Variants in CORO2A observed in about 807,000 individuals in gnomAD.
CORO2A encodes coronin-2A.
In CORO2A, 47 loss-of-function variants were observed where a neutral mutation model predicts 62.4. The ratio of observed to expected loss-of-function variants is 0.75; its 90% CI spans 0.60 to 0.96. The LOEUF (loss-of-function observed/expected upper bound fraction) is 0.96, where lower values mean the gene tolerates loss of function less well. Ranked by LOEUF, CORO2A falls within the 40% of genes least tolerant of loss-of-function variation. The pLI, the probability that CORO2A is intolerant of heterozygous loss-of-function variation, is 0.00. For synonymous variants in CORO2A, 273 were observed against 268.9 expected (o/e 1.02, Z -0.15); for missense variants, 610 against 684.1 (o/e 0.89, Z 1.21).
intron 2 of CORO2A, among the ~76,000 whole-genome samples, chr9:98,155,562 G>T (rs993900414): frequency 3.9e-5 from 6 of 151,928 alleles, no homozygotes; most frequent in African/African-American, 1.5e-4. Flanking sequence ...GGTTAGGCTG[G>T]TCTCGAACTC....
At chr9:98,152,503 C>T (rs1185594008) in intron 2 of CORO2A, among the ~76,000 whole-genome samples, 3 of 151,842 alleles carry the variant, frequency 2.0e-5, no homozygotes, top group Admixed American at 1.3e-4. Flanking sequence ...TTGCTGGTCT[C>T]GAACTCCTGG....
intron 1 of CORO2A, among the ~76,000 whole-genome samples, chr9:98,178,615 C>T (rs1332444621): frequency 6.6e-6 from 1 of 152,134 alleles, no homozygotes; most frequent in Non-Finnish European, 1.5e-5. Context: ...GAGTGTTTCC[C>T]CTTCTCTCTG....
rs904954529 is a variant in CORO2A, at chr9:98,145,510, G to A, written c.202-7822C>T. 2.0e-5 allele frequency among the ~76,000 whole-genome samples: 3 copies of A among 152,188 alleles called. No individual in the cohort carries two copies. In the East Asian group the frequency reaches 5.8e-4, roughly 29 times the overall value. ...GACTAGCCCATACCCTGCCTTTCTA[G>A]AAGGGCAATTTGTATGGAGGGAACA... On this transcript the variant is annotated intron_variant, in intron 2 of 11. Coordinates refer to ENST00000375077, the MANE Select transcript of CORO2A (RefSeq NM_052820.4).
At chr9:98,186,782 GTGTT>G (rs939824898) in intron 1 of CORO2A, among the ~76,000 whole-genome samples, 15 of 152,222 alleles carry the variant, frequency 9.9e-5, no homozygotes, top group African/African-American at 3.6e-4. Flanking sequence ...GTGCTAATAA[GTGTT>G]TGTTAAATAT....
intron 2 of CORO2A, among the ~76,000 whole-genome samples, chr9:98,138,924 G>A (rs1330589889): frequency 2.0e-5 from 3 of 151,884 alleles, no homozygotes; most frequent in South Asian, 2.1e-4. Flanking sequence ...GTGCACGCCT[G>A]TAGTCCCAGC....
intron 2 of CORO2A, among the ~76,000 whole-genome samples, chr9:98,140,387 A>C (rs1031570353): frequency 6.6e-6 from 1 of 151,420 alleles, no homozygotes; most frequent in Non-Finnish European, 1.5e-5. Context: ...CTCAGGGAAC[A>C]CCCAACCTTC....
At chr9:98,181,180 C>T (rs966818199) in intron 1 of CORO2A, among the ~76,000 whole-genome samples, 2 of 151,074 alleles carry the variant, frequency 1.3e-5, no homozygotes, top group South Asian at 2.1e-4. Context: ...TGTCCCCCAG[C>T]GCGACTCCCT....
At chr9:98,184,425 G>T (rs1223447367) in intron 1 of CORO2A, among the ~76,000 whole-genome samples, 2 of 152,116 alleles carry the variant, frequency 1.3e-5, no homozygotes, top group Non-Finnish European at 2.9e-5. Context: ...TGAATATTTT[G>T]CTATGTCTGC....
intron 8 of CORO2A, 102 bp downstream of exon 8, chr9:98,129,692 T>C (rs1827376724): frequency 2.3e-6 from 2 of 851,410 alleles, no homozygotes; most frequent in East Asian, 4.9e-5. Flanking sequence ...GACTCATCCC[T>C]GTCTCCCCAG....
chr9:98,150,405 C>T (rs1405534052), intron 2 of CORO2A, among the ~76,000 whole-genome samples: 3 of 152,162 alleles, frequency 2.0e-5, no homozygotes, highest in Admixed American at 2.0e-4. Context: ...AATGCACAGA[C>T]ACACCAAACC....
intron 2 of CORO2A, among the ~76,000 whole-genome samples, chr9:98,139,666 C>T (rs1438663498): frequency 6.6e-6 from 1 of 152,072 alleles, no homozygotes; most frequent in Non-Finnish European, 1.5e-5. Flanking sequence ...CATGGTGTCG[C>T]ACACCTGTAG....
intron 1 of CORO2A, among the ~76,000 whole-genome samples, chr9:98,164,547 A>G (rs1370155245): frequency 6.6e-6 from 1 of 152,188 alleles, no homozygotes; most frequent in Non-Finnish European, 1.5e-5. Context: ...CTTTCTCACC[A>G]GGCAGGAAGA....
chr9:98,179,792 C>T (rs1175452640), intron 1 of CORO2A, among the ~76,000 whole-genome samples: 3 of 152,092 alleles, frequency 2.0e-5, no homozygotes, highest in African/African-American at 7.2e-5. Flanking sequence ...ATCACAAGGT[C>T]AGGAGTTTGA....
At chr9:98,183,611 C>T (rs756310990) in intron 1 of CORO2A, among the ~76,000 whole-genome samples, 8 of 151,956 alleles carry the variant, frequency 5.3e-5, no homozygotes, top group South Asian at 2.1e-4. Flanking sequence ...GGAAAATATT[C>T]GAAAAAATTA....
intron 1 of CORO2A, among the ~76,000 whole-genome samples, chr9:98,175,622 G>C (rs1828097553): frequency 6.6e-6 from 1 of 152,236 alleles, no homozygotes; most frequent in South Asian, 2.1e-4. Flanking sequence ...GAGGCTCTGA[G>C]GAAGAATGGA....
Position 98,122,964 on chromosome 9 carries a change from G to C in CORO2A, c.*1810C>G, listed in dbSNP as rs1827262894. ...TTGTAGAATTGGGTTGAATGCCTCTGACCCCTTGCCAGTGTCCGTTAGTTT... is the reference window on the plus strand; with the variant it reads ...TTGTAGAATTGGGTTGAATGCCTCTCACCCCTTGCCAGTGTCCGTTAGTTT... On this transcript the variant is annotated 3_prime_UTR_variant, in exon 12 of 12. Coordinates refer to ENST00000375077, the MANE Select transcript of CORO2A (RefSeq NM_052820.4). 6.6e-6 allele frequency: 1 copy of C among 152,282 alleles called. No individual in the cohort carries two copies. Among genetic ancestry groups the C allele is most frequent in the Non-Finnish European group, 1.5e-5 (1 of 68,092 alleles). 9.4% of individuals were successfully genotyped at this position (152,282 alleles called of 1,614,324 possible). A position where few individuals can be genotyped will look rare whatever the true frequency, so the allele number is the denominator to read the frequency against.
At chr9:98,135,085 C>G (rs1587993917) in intron 3 of CORO2A, 130 bp from the exon 4 acceptor site, 1 of 1,210,356 alleles carries the variant, frequency 8.3e-7, no homozygotes, top group Non-Finnish European at 1.1e-6. Flanking sequence ...ACCTCCCACT[C>G]AGTGGCTATG....
chr9:98,169,349 T>A (rs1200229636), intron 1 of CORO2A, among the ~76,000 whole-genome samples: 1 of 151,994 alleles, frequency 6.6e-6, no homozygotes, highest in East Asian at 1.9e-4. Context: ...CCTCCCCACA[T>A]CTGACACTGC....
In CORO2A at chr9:98,128,590, G is replaced by A; in HGVS notation, c.1080+17C>T. Reference sequence around the variant, plus strand: ...AGGTTCCCCACCTGCCTCCCATGCGGTCCCGACTGCCCTTACCCGCCGGGG... The same window carrying A: ...AGGTTCCCCACCTGCCTCCCATGCGATCCCGACTGCCCTTACCCGCCGGGG... On this transcript the variant is annotated intron_variant, in intron 9 of 11. Transcript: ENST00000375077. The A allele has an allele frequency of 6.2e-7, 1 of 1,610,642 alleles. No homozygotes were observed. Among genetic ancestry groups the A allele is most frequent in the Non-Finnish European group, 8.5e-7 (1 of 1,176,878 alleles).
Sources: allele counts gnomAD v4.1 joint callset (sites outside exome capture counted in the v4.1 genomes callset), GRCh38; gene constraint gnomAD v4.1.1; transcripts MANE v1.5; gene names NCBI Gene and HGNC (gene_info 2026-07-23, HGNC 2026-07-21).